ADARB2: variants seen among roughly 807,000 people sequenced by gnomAD.
ADARB2 encodes the protein inactive double-stranded RNA-specific editase B2.
Under a neutral mutation model 62.2 loss-of-function variants are expected in ADARB2, and 25 were observed. The ratio of observed to expected loss-of-function variants is 0.40; its 90% CI spans 0.29 to 0.56. The LOEUF is 0.56. Among genes scored for constraint, ADARB2 ranks in the 20% least tolerant of loss-of-function variants. The pLI is 0.43. For synonymous variants in ADARB2, 572 were observed against 500.8 expected, an observed-to-expected ratio of 1.14 and a Z score of -1.90; for missense variants, 1,071 against 1,077.4, an observed-to-expected ratio of 0.99 and a Z score of 0.08.
At chr10:1,474,736 G>C (rs532998244) in intron 1 of ADARB2, among the ~76,000 whole-genome samples, 3 of 152,328 alleles carry the variant, frequency 2.0e-5, no homozygotes, top group African/African-American at 4.8e-5. Flanking sequence ...CCCAGGCAGC[G>C]GGTGGGTCGA....
intron 7 of ADARB2, among the ~76,000 whole-genome samples, chr10:1,209,235 G>A (rs1401733770): frequency 1.3e-5 from 2 of 151,470 alleles, no homozygotes; most frequent in African/African-American, 4.9e-5. Context: ...GCCCTTAGGT[G>A]TGGGGATGGC....
chr10:1,690,881 C>A (rs1030154172), intron 1 of ADARB2, among the ~76,000 whole-genome samples: 1 of 152,156 alleles, frequency 6.6e-6, no homozygotes, highest in Non-Finnish European at 1.5e-5. Context: ...CGGGGACCAC[C>A]GCGGGTCTCA....
chr10:1,330,396 AT>A (rs1831918179), intron 3 of ADARB2, among the ~76,000 whole-genome samples: 1 of 152,334 alleles, frequency 6.6e-6, no homozygotes, highest in East Asian at 1.9e-4. Flanking sequence ...AAATCACTCT[AT>A]TAATTTGTAA....
intron 1 of ADARB2, among the ~76,000 whole-genome samples, chr10:1,677,796 G>C (rs1834485804): frequency 6.6e-6 from 1 of 152,206 alleles, no homozygotes. Context: ...ACTCGGCAAG[G>C]CTGCTCTGTC....
chr10:1,288,435 C>A (rs939420158), intron 3 of ADARB2, among the ~76,000 whole-genome samples: 1 of 152,218 alleles, frequency 6.6e-6, no homozygotes, highest in Non-Finnish European at 1.5e-5. Context: ...CCCGTTGTAT[C>A]CCTAAGAGGC....
chr10:1,612,405 G>A (rs2132021671), intron 1 of ADARB2, among the ~76,000 whole-genome samples: 1 of 152,330 alleles, frequency 6.6e-6, no homozygotes, highest in East Asian at 1.9e-4. Context: ...CGGTCACAAC[G>A]CCGGTGGGTC....
intron 1 of ADARB2, among the ~76,000 whole-genome samples, chr10:1,424,831 C>T (rs1832881689): frequency 6.6e-6 from 1 of 152,020 alleles, no homozygotes. Flanking sequence ...TTTTGGTTGC[C>T]CCGAGATGTT....
intron 1 of ADARB2, among the ~76,000 whole-genome samples, chr10:1,582,956 G>A (rs1336192125): frequency 6.6e-6 from 1 of 152,178 alleles, no homozygotes; most frequent in Admixed American, 6.5e-5. Context: ...GTCTTGGAAA[G>A]CCCTCCCTGG....
chr10:1,417,858 G>C (rs1354285085), intron 1 of ADARB2, among the ~76,000 whole-genome samples: 1 of 152,266 alleles, frequency 6.6e-6, no homozygotes, highest in African/African-American at 2.4e-5. Context: ...TTGAGGCCAC[G>C]CGCTGTGGGC....
At chr10:1,732,051 G>C (rs193269315) in intron 1 of ADARB2, among the ~76,000 whole-genome samples, 165 of 152,030 alleles carry the variant, frequency 1.1e-3, no homozygotes, top group African/African-American at 3.7e-3. Context: ...CAATAATTTT[G>C]GTTTTAGGAG....
intron 3 of ADARB2, among the ~76,000 whole-genome samples, chr10:1,300,816 T>C (rs985290862): frequency 6.6e-6 from 1 of 152,208 alleles, no homozygotes; most frequent in Non-Finnish European, 1.5e-5. Context: ...CCATGAGATA[T>C]TACAACCCCA....
chr10:1,395,281 C>T (rs1207070745), intron 1 of ADARB2, among the ~76,000 whole-genome samples: 4 of 152,182 alleles, frequency 2.6e-5, no homozygotes, highest in Admixed American at 6.5e-5. Context: ...AAGCCTAATG[C>T]ACAAGTCAGG....
At chr10:1,509,221 G>T (rs926615501) in intron 1 of ADARB2, among the ~76,000 whole-genome samples, 1 of 152,106 alleles carries the variant, frequency 6.6e-6, no homozygotes, top group Non-Finnish European at 1.5e-5. Context: ...TTTGACTTCT[G>T]CAGTAAACAC....
intron 1 of ADARB2, among the ~76,000 whole-genome samples, chr10:1,653,849 T>C (rs1252023579): frequency 6.6e-6 from 1 of 152,200 alleles, no homozygotes; most frequent in Non-Finnish European, 1.5e-5. Context: ...GCAGGGTTTT[T>C]ATTAATGGGG....
At chr10:1,263,539 T>C (rs575085639) in intron 4 of ADARB2, among the ~76,000 whole-genome samples, 1 of 152,226 alleles carries the variant, frequency 6.6e-6, no homozygotes, top group Non-Finnish European at 1.5e-5. Context: ...TTTGGACAAT[T>C]AGATTGAAGA....
At chr10:1,513,200 A>T (rs771811475) in intron 1 of ADARB2, among the ~76,000 whole-genome samples, 4 of 152,366 alleles carry the variant, frequency 2.6e-5, no homozygotes, top group South Asian at 2.1e-4. Flanking sequence ...ATATACAATA[A>T]CAGTAAATAA....
At chr10:1,256,706 C>T (rs1831082279) in intron 4 of ADARB2, among the ~76,000 whole-genome samples, 1 of 152,188 alleles carries the variant, frequency 6.6e-6, no homozygotes, top group Non-Finnish European at 1.5e-5. Context: ...GGTAATTACA[C>T]ATTTAGTAAA....
At chr10:1,325,068 C>T (rs903970639) in intron 3 of ADARB2, among the ~76,000 whole-genome samples, 3 of 152,160 alleles carry the variant, frequency 2.0e-5, no homozygotes, top group Admixed American at 6.5e-5. Flanking sequence ...TACACTCACA[C>T]GAAGTTCTGG....
At chr10:1,468,928 C>T (rs1831288971) in intron 1 of ADARB2, among the ~76,000 whole-genome samples, 1 of 152,220 alleles carries the variant, frequency 6.6e-6, no homozygotes, top group South Asian at 2.1e-4. Context: ...TTATTTTGCA[C>T]ATGAGAACAC....
Sources: allele counts gnomAD v4.1 joint callset (sites outside exome capture counted in the v4.1 genomes callset), GRCh38; gene constraint gnomAD v4.1.1; transcripts MANE v1.5; gene names NCBI Gene and HGNC (gene_info 2026-07-23, HGNC 2026-07-21).